Variants in ATXN7L1 observed in about 807,000 individuals in gnomAD.
ATXN7L1 encodes ataxin 7 like 1, also known as ataxin-7-like protein 1.
In ATXN7L1, 15 loss-of-function variants were observed where a neutral mutation model predicts 70.8. That is an observed-to-expected ratio of 0.21 (90% CI 0.14 to 0.33). The LOEUF is 0.33. ATXN7L1 is among the 10% of genes least tolerant of loss of function. The probability of loss-of-function intolerance (pLI) is 1.00; values close to 1 mark genes in which losing one functional copy is unlikely to be tolerated. For missense variants in ATXN7L1, 975 were observed against 1,097.1 expected, an observed-to-expected ratio of 0.89 and a Z score of 1.57; for synonymous variants, 440 against 445.1, an observed-to-expected ratio of 0.99 and a Z score of 0.14.
intron 2 of ATXN7L1, among the ~76,000 whole-genome samples, chr7:105,873,704 G>A (rs553823838): frequency 3.9e-5 from 6 of 152,296 alleles, no homozygotes; most frequent in Middle Eastern, 6.8e-3. Context: ...TGAACAGTGG[G>A]TGTCCTTAAT....
rs1402538085 is a variant in ATXN7L1 at position 105,695,885 on chromosome 7, T to C, written c.356-30597A>G. Among the ~76,000 whole-genome samples, 6 of 152,332 alleles carry C rather than the reference T, an allele frequency of 3.9e-5. No individual in the cohort carries two copies. In the East Asian group the frequency reaches 1.2e-3, roughly 29 times the overall value. Reference sequence around the variant, plus strand: ...CACTGCAGGCGTTGGGCATTTGCTCTGAGGGACAGGGTGGTGGGTTACTGC... The same window carrying C: ...CACTGCAGGCGTTGGGCATTTGCTCCGAGGGACAGGGTGGTGGGTTACTGC... On this transcript the variant is annotated intron_variant, in intron 3 of 11. Transcript: ENST00000419735.
rs771733524 is a variant in ATXN7L1 at position 105,717,065 on chromosome 7, T to C, written c.356-51777A>G. Among the ~76,000 whole-genome samples, 179 of 152,322 alleles carry C rather than the reference T, an allele frequency of 1.2e-3. 1 individual carries two copies. Among genetic ancestry groups the C allele is most frequent in the Non-Finnish European group, 2.0e-3 (139 of 68,018 alleles). On this transcript the variant is annotated intron_variant, in intron 3 of 11. Transcript: ENST00000419735. ...ATAATTTTTTAAAAAGTGATCATAC[T>C]AAGCATTGTTTTAAATGCTGTTTCC...
intron 2 of ATXN7L1, among the ~76,000 whole-genome samples, chr7:105,822,294 T>C (rs1810276694): frequency 6.6e-6 from 1 of 152,112 alleles, no homozygotes; most frequent in African/African-American, 2.4e-5. Flanking sequence ...ATAACATCTA[T>C]AGTGTGGAAA....
At chr7:105,639,174 C>A (rs1184795909) in intron 6 of ATXN7L1, among the ~76,000 whole-genome samples, 3 of 152,208 alleles carry the variant, frequency 2.0e-5, no homozygotes, top group African/African-American at 7.2e-5. Context: ...GCTGCCGCTG[C>A]TCCTGCATAC....
intron 3 of ATXN7L1, chr7:105,761,355 C>A (rs760178404): frequency 1.5e-5 from 25 of 1,613,552 alleles, no homozygotes; most frequent in Non-Finnish European, 2.1e-5. Context: ...AGAAGTTGTA[C>A]GTCTCTTCTG....
intron 3 of ATXN7L1, among the ~76,000 whole-genome samples, chr7:105,756,227 C>A (rs1214355250): frequency 6.6e-6 from 1 of 151,866 alleles, no homozygotes; most frequent in Non-Finnish European, 1.5e-5. Flanking sequence ...CAAATGCACT[C>A]ATTTTCATGC....
intron 3 of ATXN7L1, among the ~76,000 whole-genome samples, chr7:105,665,994 C>G (rs745572945): frequency 3.8e-4 from 58 of 152,338 alleles, no homozygotes; most frequent in Non-Finnish European, 6.8e-4. Context: ...GAGCTCTGGG[C>G]AGAGATGCCT....
intron 3 of ATXN7L1, among the ~76,000 whole-genome samples, chr7:105,725,385 T>C (rs1025601128): frequency 2.0e-5 from 3 of 152,132 alleles, no homozygotes; most frequent in African/African-American, 4.8e-5. Context: ...GAATAAACCA[T>C]TAATGATTGA....
At chr7:105,678,632 G>A (rs114647177) in intron 3 of ATXN7L1, among the ~76,000 whole-genome samples, 471 of 152,344 alleles carry the variant, frequency 3.1e-3, no homozygotes, top group African/African-American at 0.011. Flanking sequence ...GAGTAGATAA[G>A]TGCACTGAGT....
intron 2 of ATXN7L1, among the ~76,000 whole-genome samples, chr7:105,802,313 T>G (rs1368789688): frequency 6.6e-6 from 1 of 152,058 alleles, no homozygotes; most frequent in East Asian, 1.9e-4. Context: ...CGACAATCAA[T>G]CTCTCATCTC....
intron 2 of ATXN7L1, among the ~76,000 whole-genome samples, chr7:105,869,263 A>G (rs562246163): frequency 6.6e-6 from 1 of 152,350 alleles, no homozygotes; most frequent in East Asian, 1.9e-4. Flanking sequence ...GCTTGTTAGC[A>G]AAAGGGGAGG....
intron 2 of ATXN7L1, among the ~76,000 whole-genome samples, chr7:105,837,239 AC>A (rs1189542789): frequency 6.6e-6 from 1 of 152,134 alleles, no homozygotes; most frequent in Non-Finnish European, 1.5e-5. Context: ...ACTGAGGATT[AC>A]CTTTTAACAT....
chr7:105,670,385 A>G (rs189496813), intron 3 of ATXN7L1, among the ~76,000 whole-genome samples: 3 of 152,318 alleles, frequency 2.0e-5, no homozygotes, highest in Admixed American at 2.0e-4. Context: ...TTTGTAGTAC[A>G]TGATATCCCT....
chr7:105,665,330 G>A, intron 3 of ATXN7L1, 42 bp from the exon 4 acceptor site: 1 of 1,473,632 alleles, frequency 6.8e-7, no homozygotes, highest in Non-Finnish European at 9.3e-7. Flanking sequence ...AGCATCTGTA[G>A]CAGGTGAGGC....
At chr7:105,759,400 C>T (rs1273952925) in intron 3 of ATXN7L1, among the ~76,000 whole-genome samples, 1 of 151,322 alleles carries the variant, frequency 6.6e-6, no homozygotes, top group East Asian at 2.0e-4. Flanking sequence ...AGGCTTAAAC[C>T]TCCTCGCTGG....
rs28672195 is a variant in ATXN7L1, at chr7:105,662,067, C to T, written c.578+2999G>A. ...CCTTCCTTCCTTCCTTCCTTCCTTCCTTCCTTCCTTCCTTCTTTCTTTTCT... is the reference window on the plus strand; with the variant it reads ...CCTTCCTTCCTTCCTTCCTTCCTTCTTTCCTTCCTTCCTTCTTTCTTTTCT... On this transcript the variant is annotated intron_variant, in intron 4 of 11. Transcript: ENST00000419735. Among the ~76,000 whole-genome samples the T allele has an allele frequency of 1.3e-4, 10 of 74,276 alleles. No homozygotes were observed. In the East Asian group the frequency reaches 4.7e-3, roughly 35 times the overall value. 48.7% of individuals were successfully genotyped at this position (74,276 alleles called of 152,430 possible).
At chr7:105,717,649 G>A (rs13223436) in intron 3 of ATXN7L1, among the ~76,000 whole-genome samples, 12,052 of 152,124 alleles carry the variant, frequency 0.079, 634 homozygotes, top group African/African-American at 0.13. Flanking sequence ...AACATGAAGG[G>A]AGCCCCAATT....
intron 2 of ATXN7L1, among the ~76,000 whole-genome samples, chr7:105,855,114 C>T (rs1815528648): frequency 1.3e-5 from 2 of 152,118 alleles, no homozygotes; most frequent in Non-Finnish European, 2.9e-5. Context: ...GCCACCACGC[C>T]CAGCTAATTT....
At chr7:105,676,757 T>C (rs920936341) in intron 3 of ATXN7L1, among the ~76,000 whole-genome samples, 2 of 152,026 alleles carry the variant, frequency 1.3e-5, no homozygotes, top group African/African-American at 2.4e-5. Context: ...GGAGAATCGC[T>C]TGAACCTTGG....
Sources: allele counts gnomAD v4.1 joint callset (sites outside exome capture counted in the v4.1 genomes callset), GRCh38; gene constraint gnomAD v4.1.1; transcripts MANE v1.5; gene names NCBI Gene and HGNC (gene_info 2026-07-23, HGNC 2026-07-21).